DIAPH2: variants seen among roughly 807,000 people sequenced by gnomAD.
DIAPH2 encodes diaphanous related formin 2, also known as protein diaphanous homolog 2.
Under a neutral mutation model 92.7 loss-of-function variants are expected in DIAPH2, and 35 were observed. That is an observed-to-expected ratio of 0.38 (90% CI 0.29 to 0.50). The LOEUF is 0.50. Ranked by LOEUF, DIAPH2 falls within the 20% of genes least tolerant of loss-of-function variation. The probability of loss-of-function intolerance (pLI) is 0.94; values close to 1 mark genes in which losing one functional copy is unlikely to be tolerated. For missense variants in DIAPH2, 701 were observed against 819.5 expected (o/e 0.86, Z 1.77); for synonymous variants, 301 against 280.4 (o/e 1.07, Z -0.73).
intron 4 of DIAPH2, among the ~76,000 whole-genome samples, chrX:96,810,858 G>A (rs2064673585): frequency 9.0e-6 from 1 of 111,520 alleles, no homozygotes; most frequent in South Asian, 3.8e-4. Flanking sequence ...TGAGGCTTCT[G>A]TTCTGTTCCA....
At chrX:97,013,537 A>G (rs913745693) in intron 17 of DIAPH2, among the ~76,000 whole-genome samples, 1 of 112,403 alleles carries the variant, frequency 8.9e-6, no homozygotes, top group East Asian at 2.8e-4. Context: ...GCTCTCAGCA[A>G]CTTTGTTAAC....
At chrX:97,299,615 T>C (rs778883095) in intron 23 of DIAPH2, among the ~76,000 whole-genome samples, 1 of 112,337 alleles carries the variant, frequency 8.9e-6, no homozygotes, top group Non-Finnish European at 1.9e-5. Flanking sequence ...ACCTCAGACA[T>C]CTGATATAAA....
intron 4 of DIAPH2, among the ~76,000 whole-genome samples, chrX:96,841,428 TCTC>T (rs2064935832): frequency 9.0e-6 from 1 of 111,674 alleles, no homozygotes; most frequent in Non-Finnish European, 1.9e-5. Context: ...ATAATTGCCT[TCTC>T]CTCTCCATTC....
At chrX:97,328,160 C>T (rs1602511337) in intron 23 of DIAPH2, among the ~76,000 whole-genome samples, 1 of 111,399 alleles carries the variant, frequency 9.0e-6, no homozygotes, top group East Asian at 2.8e-4. Context: ...AACGGCCAGG[C>T]GGAGTGTCTC....
chrX:97,038,219 A>G (rs1683386091), intron 17 of DIAPH2, among the ~76,000 whole-genome samples: 1 of 111,599 alleles, frequency 9.0e-6, no homozygotes, highest in Non-Finnish European at 1.9e-5. Flanking sequence ...GTCGTATTCC[A>G]TATACACACA....
At chrX:97,252,875 T>G (rs2068200352) in intron 23 of DIAPH2, among the ~76,000 whole-genome samples, 1 of 111,484 alleles carries the variant, frequency 9.0e-6, no homozygotes, top group Non-Finnish European at 1.9e-5. Flanking sequence ...ATGCAGAAAA[T>G]TAGAAAGTTC....
chrX:96,925,004 T>G (rs999809066), intron 9 of DIAPH2, among the ~76,000 whole-genome samples: 14 of 111,092 alleles, frequency 1.3e-4, no homozygotes, highest in African/African-American at 4.6e-4. Context: ...CTTATTTCTA[T>G]GCTTGACCCT....
chrX:97,596,219 A>G lies in DIAPH2; in HGVS notation c.3242-3034A>G. Among the ~76,000 whole-genome samples, 3 of 112,176 alleles carry G rather than the reference A, an allele frequency of 2.7e-5. No homozygotes were observed. The South Asian group carries it at 1.1e-3, about 42-fold the overall frequency. On this transcript the variant is annotated intron_variant, in intron 26 of 26. Coordinates refer to ENST00000324765, the MANE Select transcript of DIAPH2 (RefSeq NM_006729.5). ...TAATGTGTTAGTCTATGAATTAAGA[A>G]AAATGAAGCAGATGAAGAATATGAC...
intron 26 of DIAPH2, among the ~76,000 whole-genome samples, chrX:97,560,552 G>A (rs974728629): frequency 9.0e-6 from 1 of 111,410 alleles, no homozygotes; most frequent in African/African-American, 3.3e-5. Context: ...GAGTGCAATG[G>A]CTCAGTCTCG....
chrX:96,809,733 G>C (rs777330634), intron 4 of DIAPH2, among the ~76,000 whole-genome samples: 1 of 111,094 alleles, frequency 9.0e-6, no homozygotes, highest in East Asian at 2.8e-4. Flanking sequence ...TGTTCTCATT[G>C]TTCAATTCCC....
chrX:97,310,978 C>T (rs954661694), intron 23 of DIAPH2, among the ~76,000 whole-genome samples: 1 of 111,244 alleles, frequency 9.0e-6, no homozygotes, highest in Non-Finnish European at 1.9e-5. Flanking sequence ...CATTGCACTC[C>T]AGCCTGGGCG....
chrX:97,557,314 A>G (rs2071264328), intron 26 of DIAPH2, among the ~76,000 whole-genome samples: 1 of 111,684 alleles, frequency 9.0e-6, no homozygotes, highest in South Asian at 3.8e-4. Context: ...CGAAGTGGGC[A>G]GATCACCTGA....
chrX:97,434,254 G>A (rs1467508074), intron 26 of DIAPH2, among the ~76,000 whole-genome samples: 4 of 110,915 alleles, frequency 3.6e-5, no homozygotes, highest in South Asian at 3.8e-4. Flanking sequence ...CACAAGTTAC[G>A]CATTAGAATA....
chrX:97,387,731 T>G (rs1400031104), intron 25 of DIAPH2, among the ~76,000 whole-genome samples: 1 of 111,986 alleles, frequency 8.9e-6, no homozygotes, highest in African/African-American at 3.2e-5. Flanking sequence ...CATATAAAAT[T>G]AACGATCATG....
At chrX:97,230,119 A>G (rs1032752405) in intron 22 of DIAPH2, among the ~76,000 whole-genome samples, 1 of 110,490 alleles carries the variant, frequency 9.1e-6, no homozygotes, top group African/African-American at 3.3e-5. Context: ...AGAGATCTCT[A>G]TTTGGAGTTA....
intron 19 of DIAPH2, among the ~76,000 whole-genome samples, chrX:97,078,689 CTA>C (rs1273968930): frequency 1.8e-5 from 2 of 111,178 alleles, no homozygotes; most frequent in Non-Finnish European, 3.8e-5. Context: ...ATGTTGATAA[CTA>C]TTTAAATGTA....
intron 3 of DIAPH2, among the ~76,000 whole-genome samples, chrX:96,748,624 G>A (rs6620149): frequency 0.2 from 21,875 of 110,996 alleles, 1,615 homozygotes; most frequent in East Asian, 0.32. Context: ...GAAAATCCCT[G>A]CCATCAAGGA....
chrX:97,227,681 A>G (rs112655360), intron 22 of DIAPH2, among the ~76,000 whole-genome samples: 3,451 of 112,080 alleles, frequency 0.031, 145 homozygotes, highest in African/African-American at 0.11. Context: ...TCAAAGTTGC[A>G]TAAGTCTTAT....
chrX:97,320,919 T>A (rs1269308449), intron 23 of DIAPH2, among the ~76,000 whole-genome samples: 3 of 111,663 alleles, frequency 2.7e-5, no homozygotes, highest in Non-Finnish European at 5.6e-5. Flanking sequence ...ATATTTTCAT[T>A]AAAAGCTATG....
Sources: gnomAD v4.1 joint callset for allele counts (sites outside exome capture counted in the v4.1 genomes callset) on GRCh38, gnomAD v4.1.1 for gene constraint, MANE v1.5 for transcripts, NCBI Gene and HGNC (gene_info 2026-07-23, HGNC 2026-07-21) for gene names.